Variants in CDH12 observed in about 807,000 individuals in gnomAD.
CDH12 encodes the protein cadherin-12.
Under a neutral mutation model 74.1 loss-of-function variants are expected in CDH12, and 41 were observed. The ratio of observed to expected loss-of-function variants is 0.55; its 90% CI spans 0.43 to 0.72. CDH12 has a LOEUF of 0.72. Among genes scored for constraint, CDH12 ranks in the 30% least tolerant of loss-of-function variants. The pLI is 0.00. For missense variants in CDH12, 945 were observed against 977.2 expected (o/e 0.97, Z 0.44); for synonymous variants, 399 against 355.0 (o/e 1.12, Z -1.39).
chr5:22,264,497 A>G (rs1753637485), intron 3 of CDH12, among the ~76,000 whole-genome samples: 3 of 152,202 alleles, frequency 2.0e-5, no homozygotes, highest in African/African-American at 7.2e-5. Context: ...GTAAAGAAGT[A>G]TAAAAGTGTT....
intron 2 of CDH12, among the ~76,000 whole-genome samples, chr5:22,488,595 C>T (rs1048253956): frequency 3.3e-5 from 5 of 152,122 alleles, no homozygotes; most frequent in African/African-American, 1.2e-4. Context: ...ATCCAGAGGC[C>T]ATACCTCTAC....
chr5:22,828,241 T>C (rs1476023079), intron 1 of CDH12, among the ~76,000 whole-genome samples: 3 of 152,114 alleles, frequency 2.0e-5, no homozygotes, highest in Non-Finnish European at 4.4e-5. Flanking sequence ...GAAGAAAGAA[T>C]TGTCTATAAA....
Position 22,002,141 on chromosome 5 carries a change from A to G in CDH12, c.232-26756T>C, listed in dbSNP as rs376027277. 2.0e-5 allele frequency among the ~76,000 whole-genome samples: 3 copies of G among 152,218 alleles called. No homozygotes were observed. The South Asian group carries it at 6.2e-4, about 31-fold the overall frequency. ...CTCCAAAACTCATTTAGTTTGCTCT[A>G]TACTAGTCAGTAAATTTAAAATGAA... On this transcript the variant is annotated intron_variant, in intron 5 of 14. Transcript: ENST00000382254.
chr5:22,270,206 T>C (rs987832225), intron 3 of CDH12, among the ~76,000 whole-genome samples: 1 of 152,192 alleles, frequency 6.6e-6, no homozygotes, highest in Admixed American at 6.5e-5. Context: ...ATTGCATAAG[T>C]AAATCACTTC....
intron 3 of CDH12, among the ~76,000 whole-genome samples, chr5:22,282,272 C>T (rs963759193): frequency 6.6e-6 from 1 of 152,060 alleles, no homozygotes; most frequent in African/African-American, 2.4e-5. Context: ...AAACATACGA[C>T]CTAAAAATCA....
chr5:21,890,209 G>A (rs181348037), intron 6 of CDH12, among the ~76,000 whole-genome samples: 1 of 152,084 alleles, frequency 6.6e-6, no homozygotes, highest in Non-Finnish European at 1.5e-5. Context: ...TAATTGTTAA[G>A]ATTTATTTCC....
intron 3 of CDH12, among the ~76,000 whole-genome samples, chr5:22,263,710 A>G (rs1248036489): frequency 6.6e-6 from 1 of 152,096 alleles, no homozygotes; most frequent in Non-Finnish European, 1.5e-5. Context: ...CATAATCATA[A>G]TAACTGAAAC....
intron 1 of CDH12, among the ~76,000 whole-genome samples, chr5:22,641,071 T>TA (rs1739123750): frequency 6.6e-6 from 1 of 152,156 alleles, no homozygotes. Flanking sequence ...GATAGACACA[T>TA]ACGTACATAC....
chr5:22,240,205 A>T (rs979788533), intron 3 of CDH12, among the ~76,000 whole-genome samples: 5 of 152,244 alleles, frequency 3.3e-5, no homozygotes, highest in African/African-American at 1.2e-4. Flanking sequence ...TAATACTTAT[A>T]TAGTTATTTG....
At chr5:21,842,739 A>G (rs1749942213) in intron 7 of CDH12, among the ~76,000 whole-genome samples, 2 of 152,214 alleles carry the variant, frequency 1.3e-5, no homozygotes, top group South Asian at 2.1e-4. Flanking sequence ...AATTATTACT[A>G]CTTTCTTCTT....
At chr5:22,376,715 C>A (rs1415394538) in intron 3 of CDH12, among the ~76,000 whole-genome samples, 2 of 130,532 alleles carry the variant, frequency 1.5e-5, no homozygotes. Flanking sequence ...TAGAGATGAG[C>A]TCTCATTATA....
At chr5:22,269,003 T>A (rs1008392344) in intron 3 of CDH12, among the ~76,000 whole-genome samples, 1 of 152,070 alleles carries the variant, frequency 6.6e-6, no homozygotes, top group Non-Finnish European at 1.5e-5. Context: ...ATTCTCGCCC[T>A]CCCATTAGAT....
At chr5:22,363,942 T>C (rs187655517) in intron 3 of CDH12, among the ~76,000 whole-genome samples, 1 of 152,330 alleles carries the variant, frequency 6.6e-6, no homozygotes. Flanking sequence ...ATTTGATAGT[T>C]TTCATAAACA....
chr5:22,586,807 A>G (rs1422147612), intron 1 of CDH12, among the ~76,000 whole-genome samples: 1 of 151,028 alleles, frequency 6.6e-6, no homozygotes, highest in African/African-American at 2.4e-5. Flanking sequence ...GTGGAAACAT[A>G]ATCCCCAATG....
intron 1 of CDH12, among the ~76,000 whole-genome samples, chr5:22,801,697 A>C (rs1748538437): frequency 7.4e-6 from 1 of 134,640 alleles, no homozygotes; most frequent in Non-Finnish European, 1.6e-5. Context: ...ACTTTGTTTA[A>C]TAGGGAGAAC....
At chr5:22,751,917 C>T (rs1007535705) in intron 1 of CDH12, among the ~76,000 whole-genome samples, 2 of 151,848 alleles carry the variant, frequency 1.3e-5, no homozygotes, top group African/African-American at 2.4e-5. Flanking sequence ...ACATCTATTT[C>T]GGCAGTATTC....
At chr5:22,033,848 T>C (rs1164745175) in intron 5 of CDH12, among the ~76,000 whole-genome samples, 1 of 152,154 alleles carries the variant, frequency 6.6e-6, no homozygotes, top group African/African-American at 2.4e-5. Flanking sequence ...CACAGAGCCC[T>C]GTACTCTCCC....
chr5:22,797,960 A>G (rs571601307), intron 1 of CDH12, among the ~76,000 whole-genome samples: 1 of 152,304 alleles, frequency 6.6e-6, no homozygotes, highest in African/African-American at 2.4e-5. Flanking sequence ...CTGTTATTTC[A>G]GTGTTATTTC....
chr5:22,009,848 G>T (rs1737190589), intron 5 of CDH12, among the ~76,000 whole-genome samples: 1 of 147,420 alleles, frequency 6.8e-6, no homozygotes, highest in African/African-American at 2.5e-5. Flanking sequence ...CGTGGTGGCG[G>T]TTGCCTGTAA....
Sources: gnomAD v4.1 joint callset for allele counts (sites outside exome capture counted in the v4.1 genomes callset) on GRCh38, gnomAD v4.1.1 for gene constraint, MANE v1.5 for transcripts, NCBI Gene and HGNC (gene_info 2026-07-23, HGNC 2026-07-21) for gene names.